The following LMO7 variants were observed in gnomAD, a reference collection of about 807,000 sequenced individuals.
The protein encoded by LMO7 is LIM domain only protein 7.
A neutral mutation model predicts 206.5 loss-of-function variants in LMO7; 120 were observed. The ratio of observed to expected loss-of-function variants is 0.58; its 90% CI spans 0.50 to 0.68. The LOEUF is 0.68. Ranked by LOEUF, LMO7 falls within the 30% of genes least tolerant of loss-of-function variation. LMO7 has a pLI of 0.00. For missense variants in LMO7, 1,959 were observed against 1,957.9 expected (o/e 1.00, Z -0.01); for synonymous variants, 706 against 681.5 (o/e 1.04, Z -0.56).
chr13:75,823,952 A>C, intron 15 of LMO7, 79 bp downstream of exon 15: 1 of 1,206,572 alleles, frequency 8.3e-7, no homozygotes, highest in Non-Finnish European at 1.2e-6. Flanking sequence ...CTCAAATGTC[A>C]AACCTCTAGG....
At chr13:75,756,432 A>G (rs2047690435) in intron 3 of LMO7, among the ~76,000 whole-genome samples, 1 of 152,236 alleles carries the variant, frequency 6.6e-6, no homozygotes, top group Non-Finnish European at 1.5e-5. Context: ...TGAAAAACCT[A>G]CATAGCCACA....
At chr13:75,843,177 C>T (rs1467797018) in intron 25 of LMO7, among the ~76,000 whole-genome samples, 3 of 152,196 alleles carry the variant, frequency 2.0e-5, no homozygotes, top group African/African-American at 4.8e-5. Context: ...TGGGCTTGCT[C>T]ATATATCTGC....
chr13:75,775,964 A>G (rs1423632927), intron 4 of LMO7, among the ~76,000 whole-genome samples: 1 of 151,204 alleles, frequency 6.6e-6, no homozygotes, highest in Non-Finnish European at 1.5e-5. Flanking sequence ...TCTATCCAGT[A>G]TCTACCTAAA....
At chr13:75,847,535 A>G (rs1292341377) in intron 26 of LMO7, among the ~76,000 whole-genome samples, 27 of 152,188 alleles carry the variant, frequency 1.8e-4, no homozygotes, top group Non-Finnish European at 2.9e-5. Context: ...CACTTATACC[A>G]TGCACACTTG....
At chr13:75,774,577 A>C (rs996968850) in intron 4 of LMO7, among the ~76,000 whole-genome samples, 1 of 152,114 alleles carries the variant, frequency 6.6e-6, no homozygotes, top group Non-Finnish European at 1.5e-5. Context: ...GTGGTATTTT[A>C]TTATGATTTT....
chr13:75,680,680 C>A (rs2040404510), intron 1 of LMO7, among the ~76,000 whole-genome samples: 1 of 152,090 alleles, frequency 6.6e-6, no homozygotes, highest in Admixed American at 6.5e-5. Flanking sequence ...ATCAACCCGT[C>A]ACCTGTATTA....
chr13:75,778,970 G>A (rs2050912494), intron 4 of LMO7, among the ~76,000 whole-genome samples: 1 of 152,192 alleles, frequency 6.6e-6, no homozygotes, highest in Non-Finnish European at 1.5e-5. Flanking sequence ...CTGGCAGGAA[G>A]TGAATGTCAT....
In LMO7 at chr13:75,840,422, G is replaced by T. The variant is rs1269222296; in HGVS notation, c.3509G>T (p.Arg1170Leu). 2 of 1,613,984 alleles carry T rather than the reference G, an allele frequency of 1.2e-6. No homozygotes were observed. The highest frequency in any genetic ancestry group is 8.5e-7 in the Non-Finnish European group (1 of 1,179,964). The change falls in exon 22 of 31, where the codon CGC (arginine) becomes CTC (leucine). Residue 1170 changes from arginine (R) to leucine (L), a missense_variant. Coordinates refer to ENST00000377534, the MANE Select transcript of LMO7 (RefSeq NM_001306080.2). The stretch of plus-strand genomic sequence containing the variant: ...GTTCCAACCATCAGTGCCCCGAGTC[G>T]CTGGGTGTGGGATCAAGAGGAGGAG... ...LPVPTISAPS[R>L]WVWDQEEERK... is the part of the protein sequence containing the mutation.
At chr13:75,719,082 C>T (rs567639995) in intron 2 of LMO7, among the ~76,000 whole-genome samples, 11 of 151,580 alleles carry the variant, frequency 7.3e-5, no homozygotes, top group Admixed American at 3.9e-4. Context: ...TGGGTTCAAG[C>T]GATTCTCCTG....
intron 19 of LMO7, 135 bp downstream of exon 19, chr13:75,836,592 C>T (rs549649344): frequency 3.9e-5 from 22 of 559,938 alleles, no homozygotes; most frequent in South Asian, 1.9e-4. Flanking sequence ...AAGGTTAACA[C>T]GCAGATCCAA....
rs1566356638 is a variant in LMO7, at chr13:75,727,033, A to G, written c.145A>G (p.Ile49Val). ...LENGVLLCDLINKLKPGVIKK... is the reference protein window; with the variant it reads ...LENGVLLCDLVNKLKPGVIKK... Reference sequence around the variant, plus strand: ...CTGTTATTTATTTACTTTCAGTTTGATTAATAAGCTTAAACCTGGCGTCAT... The same window carrying G: ...CTGTTATTTATTTACTTTCAGTTTGGTTAATAAGCTTAAACCTGGCGTCAT... The change falls in exon 3 of 31, where the codon ATT (isoleucine) becomes GTT (valine). Residue 49 changes from isoleucine (I) to valine (V), a missense_variant. Transcript: ENST00000377534. The G allele has an allele frequency of 6.4e-7, 1 of 1,562,832 alleles. No homozygotes were observed. Among genetic ancestry groups the G allele is most frequent in the Non-Finnish European group, 8.8e-7 (1 of 1,134,502 alleles).
At position 75,655,637 on chromosome 13, in the gene LMO7, TTATATATATATATATATATATATATA is replaced by T. The variant is rs67966172; in HGVS notation, c.69+18939_69+18964del. ...TGCTGAATATTTTTGTTCATGGATT[TTATATATATATATATATATATATATA>T]TATATATATATATATATATATATAT... On this transcript the variant is annotated intron_variant, in intron 1 of 30. Coordinates refer to ENST00000377534, the MANE Select transcript of LMO7 (RefSeq NM_001306080.2). Among the ~76,000 whole-genome samples the T allele has an allele frequency of 6.3e-3, 845 of 134,712 alleles. 25 individuals are homozygous for T. Among genetic ancestry groups the T allele is most frequent in the African/African-American group, 0.02 (681 of 34,324 alleles). The allele number at this position is 134,712 out of a possible 152,430, so 88.4% of individuals were successfully genotyped here.
intron 1 of LMO7, among the ~76,000 whole-genome samples, chr13:75,712,822 T>C (rs925065459): frequency 5.3e-5 from 8 of 152,242 alleles, no homozygotes; most frequent in African/African-American, 1.2e-4. Context: ...TATCTTATAC[T>C]GTTTTTATTC....
intron 14 of LMO7, among the ~76,000 whole-genome samples, chr13:75,823,273 C>T (rs778636964): frequency 2.0e-5 from 3 of 152,066 alleles, no homozygotes; most frequent in Non-Finnish European, 2.9e-5. Context: ...TTTCATTTTA[C>T]GCCAGTTTAG....
At chr13:75,847,814 G>C (rs546279248) in intron 26 of LMO7, among the ~76,000 whole-genome samples, 24 of 152,256 alleles carry the variant, frequency 1.6e-4, no homozygotes, top group African/African-American at 5.1e-4. Flanking sequence ...TCTGTGGTGT[G>C]GCTCTGGCTG....
At chr13:75,784,865 T>C (rs2052151368) in intron 4 of LMO7, among the ~76,000 whole-genome samples, 1 of 152,174 alleles carries the variant, frequency 6.6e-6, no homozygotes, top group Non-Finnish European at 1.5e-5. Flanking sequence ...TTGATAGATA[T>C]TTGTTTTACA....
chr13:75,678,103 A>G (rs567298077), intron 1 of LMO7, among the ~76,000 whole-genome samples: 3 of 152,208 alleles, frequency 2.0e-5, no homozygotes, highest in Admixed American at 1.3e-4. Context: ...CAATAAACAT[A>G]TGTGTGCATG....
chr13:75,701,244 A>G (rs1373744947), intron 1 of LMO7, among the ~76,000 whole-genome samples: 1 of 152,186 alleles, frequency 6.6e-6, no homozygotes, highest in Admixed American at 6.5e-5. Flanking sequence ...ATCAAGAATT[A>G]TTGCAGGAAT....
At chr13:75,729,015 T>A (rs2044803358) in intron 3 of LMO7, among the ~76,000 whole-genome samples, 1 of 152,188 alleles carries the variant, frequency 6.6e-6, no homozygotes, top group African/African-American at 2.4e-5. Flanking sequence ...ACCATGCTGT[T>A]TTGAGTTACT....
Sources: allele counts gnomAD v4.1 joint callset (sites outside exome capture counted in the v4.1 genomes callset), GRCh38; gene constraint gnomAD v4.1.1; transcripts MANE v1.5; gene names NCBI Gene and HGNC (gene_info 2026-07-23, HGNC 2026-07-21).